The following PHF20 variants were observed in gnomAD, a reference collection of about 807,000 sequenced individuals.
The protein encoded by PHF20 is glioma-expressed antigen 2.
In PHF20, 23 loss-of-function variants were observed where a neutral mutation model predicts 113.5. The observed-to-expected ratio is 0.20, with a 90% confidence interval of 0.15 to 0.29. PHF20 has a LOEUF of 0.29. Among genes scored for constraint, PHF20 ranks in the 10% least tolerant of loss-of-function variants. The probability of loss-of-function intolerance (pLI) is 1.00; values close to 1 mark genes in which losing one functional copy is unlikely to be tolerated. For missense variants in PHF20, 943 were observed against 1,219.6 expected (o/e 0.77, Z 3.38); for synonymous variants, 434 against 457.3 (o/e 0.95, Z 0.65).
intron 17 of PHF20, 45 bp downstream of exon 17, chr20:35,941,092 G>A: frequency 5.2e-6 from 8 of 1,539,228 alleles, no homozygotes; most frequent in Non-Finnish European, 7.1e-6. Flanking sequence ...ATGCAGTCGA[G>A]CACCCCCAGA....
chr20:35,908,306 TTC>T (rs1266798586), intron 10 of PHF20, among the ~76,000 whole-genome samples: 1 of 152,214 alleles, frequency 6.6e-6, no homozygotes, highest in African/African-American at 2.4e-5. Flanking sequence ...TGCTGGGCAA[TTC>T]TCTGTGTCTT....
chr20:35,801,029 A>G (rs2041771016), intron 1 of PHF20, among the ~76,000 whole-genome samples: 2 of 152,096 alleles, frequency 1.3e-5, no homozygotes, highest in Admixed American at 1.3e-4. Context: ...ATTTCATTGC[A>G]ATTACAGTTT....
At chr20:35,870,043 G>A (rs1436303919) in intron 7 of PHF20, among the ~76,000 whole-genome samples, 1 of 151,474 alleles carries the variant, frequency 6.6e-6, no homozygotes, top group East Asian at 1.9e-4. Flanking sequence ...GGTAGCTCAC[G>A]CCTGTAATCC....
chr20:35,857,981 C>G (rs976567748), intron 4 of PHF20, among the ~76,000 whole-genome samples: 4 of 152,188 alleles, frequency 2.6e-5, no homozygotes, highest in African/African-American at 7.2e-5. Context: ...CTGCATTTTA[C>G]TCACTTTCTT....
chr20:35,915,133 C>G (rs772562904), intron 12 of PHF20, among the ~76,000 whole-genome samples: 47 of 149,530 alleles, frequency 3.1e-4, no homozygotes, highest in Non-Finnish European at 6.2e-4. Flanking sequence ...AAGGGAGGCA[C>G]CCACTCACCC....
At chr20:35,915,162 C>A (rs868629794) in intron 12 of PHF20, among the ~76,000 whole-genome samples, 4 of 150,028 alleles carry the variant, frequency 2.7e-5, no homozygotes, top group African/African-American at 9.7e-5. Flanking sequence ...CAAAGTCCTG[C>A]TGGCATTGAA....
chr20:35,898,867 T>C (rs2055040784), intron 9 of PHF20, among the ~76,000 whole-genome samples: 1 of 152,140 alleles, frequency 6.6e-6, no homozygotes, highest in Non-Finnish European at 1.5e-5. Context: ...TCCCTTGGCC[T>C]CCCAAAGTGC....
At chr20:35,870,843 C>T in intron 7 of PHF20, 112 bp from the exon 8 acceptor site, 1 of 672,514 alleles carries the variant, frequency 1.5e-6, no homozygotes, top group Non-Finnish European at 2.4e-6. Context: ...TCTAACATTC[C>T]AGTAGTCTCT....
rs2056136105 is a variant in PHF20, at chr20:35,949,205, C to T, written c.*1578C>T. 1.3e-5 allele frequency: 2 copies of T among 152,484 alleles called. No homozygotes were observed. Among genetic ancestry groups the T allele is most frequent in the African/African-American group, 4.8e-5 (2 of 41,466 alleles). 9.4% of individuals were successfully genotyped at this position (152,484 alleles called of 1,614,324 possible). A position where few individuals can be genotyped will look rare whatever the true frequency, so the allele number is the denominator to read the frequency against. ...AAAACGACGATTCCTCTACAAGAGG[C>T]TGTTTCTCACTGCTAACGTTGGTGT... On this transcript the variant is annotated 3_prime_UTR_variant, in exon 18 of 18. Transcript: ENST00000374012.
chr20:35,821,162 C>T (rs2042161393), intron 2 of PHF20, among the ~76,000 whole-genome samples: 1 of 151,994 alleles, frequency 6.6e-6, no homozygotes, highest in African/African-American at 2.4e-5. Context: ...TTAAAAGTGG[C>T]TGTGGGCCAG....
intron 6 of PHF20, among the ~76,000 whole-genome samples, chr20:35,868,471 TGGC>T (rs1335984270): frequency 6.6e-6 from 1 of 150,656 alleles, no homozygotes. Context: ...TTGCTAGGTA[TGGC>T]AGGTGCCTGT....
At chr20:35,941,725 G>T (rs1375800752) in intron 17 of PHF20, among the ~76,000 whole-genome samples, 1 of 152,194 alleles carries the variant, frequency 6.6e-6, no homozygotes, top group East Asian at 1.9e-4. Context: ...GTACAGTCTG[G>T]CTATGATTTT....
intron 5 of PHF20, among the ~76,000 whole-genome samples, 197 bp from the exon 6 acceptor site, chr20:35,862,816 A>G (rs2146971822): frequency 6.6e-6 from 1 of 152,326 alleles, no homozygotes; most frequent in South Asian, 2.1e-4. Context: ...TGTCTCCGGA[A>G]TAATTGAATT....
intron 5 of PHF20, among the ~76,000 whole-genome samples, chr20:35,858,868 T>G (rs948815113): frequency 6.6e-6 from 1 of 152,190 alleles, no homozygotes; most frequent in Non-Finnish European, 1.5e-5. Flanking sequence ...CCACTGTGTC[T>G]GGCCACTGTT....
At chr20:35,808,472 GT>G (rs957971922) in intron 2 of PHF20, among the ~76,000 whole-genome samples, 32 of 145,102 alleles carry the variant, frequency 2.2e-4, no homozygotes, top group South Asian at 1.1e-3. Context: ...TTTGCTGGAA[GT>G]TTTTTTTTTT....
chr20:35,787,779 T>A (rs1023682632), intron 1 of PHF20, among the ~76,000 whole-genome samples: 2 of 150,976 alleles, frequency 1.3e-5, no homozygotes, highest in African/African-American at 2.4e-5. Flanking sequence ...CCTATTTTTT[T>A]ATTTTTATTT....
intron 16 of PHF20, among the ~76,000 whole-genome samples, 165 bp downstream of exon 16, chr20:35,939,273 G>A (rs1472904922): frequency 6.6e-6 from 1 of 152,164 alleles, no homozygotes; most frequent in Non-Finnish European, 1.5e-5. Flanking sequence ...AGTCAGGAGA[G>A]CCCACTTAAG....
chr20:35,883,217 GAAAAAC>G (rs1034434409), intron 9 of PHF20, among the ~76,000 whole-genome samples: 5 of 151,860 alleles, frequency 3.3e-5, no homozygotes, highest in African/African-American at 9.7e-5. Flanking sequence ...CCTGTCTCTG[GAAAAAC>G]AAAAACAAAA....
At chr20:35,773,075 A>C (rs2041096583) in intron 1 of PHF20, among the ~76,000 whole-genome samples, 1 of 152,210 alleles carries the variant, frequency 6.6e-6, no homozygotes, top group Non-Finnish European at 1.5e-5. Flanking sequence ...GTGTTCCCCA[A>C]ATCAAACTAC....
Sources: allele counts gnomAD v4.1 joint callset (sites outside exome capture counted in the v4.1 genomes callset), GRCh38; gene constraint gnomAD v4.1.1; transcripts MANE v1.5; gene names NCBI Gene and HGNC (gene_info 2026-07-23, HGNC 2026-07-21).